IL1RAPL2: variants seen among roughly 807,000 people sequenced by gnomAD.
IL1RAPL2 encodes X-linked interleukin-1 receptor accessory protein-like 2.
Under a neutral mutation model 44.1 loss-of-function variants are expected in IL1RAPL2, and 3 were observed. That is an observed-to-expected ratio of 0.07 (90% confidence interval 0.03 to 0.18). IL1RAPL2 has a LOEUF of 0.18. Among genes scored for constraint, IL1RAPL2 ranks in the 10% least tolerant of loss-of-function variants. IL1RAPL2 has a pLI of 1.00. For missense variants in IL1RAPL2, 391 were observed against 496.4 expected (o/e 0.79, Z 2.02); for synonymous variants, 181 against 178.8 (o/e 1.01, Z -0.10).
chrX:104,784,749 T>C (rs1034951372), intron 2 of IL1RAPL2, among the ~76,000 whole-genome samples: 10 of 107,646 alleles, frequency 9.3e-5, no homozygotes, highest in Admixed American at 8.3e-4. Flanking sequence ...TGTGTCTTTT[T>C]ATATCTTCTT....
At chrX:105,093,232 C>A (rs1049285475) in intron 2 of IL1RAPL2, among the ~76,000 whole-genome samples, 2 of 110,708 alleles carry the variant, frequency 1.8e-5, no homozygotes, top group Non-Finnish European at 3.8e-5. Flanking sequence ...CACAAAGGGG[C>A]CTATTTTTTA....
intron 6 of IL1RAPL2, among the ~76,000 whole-genome samples, chrX:105,680,643 G>C (rs2037916618): frequency 8.9e-6 from 1 of 112,142 alleles, no homozygotes; most frequent in Admixed American, 9.4e-5. Flanking sequence ...TGTTCGATAA[G>C]AGTTTCTGAA....
chrX:105,069,468 T>G (rs1394123163), intron 2 of IL1RAPL2, among the ~76,000 whole-genome samples: 1 of 112,466 alleles, frequency 8.9e-6, no homozygotes, highest in East Asian at 2.8e-4. Context: ...TAACACAGTT[T>G]TAGTTTGATT....
chrX:105,750,278 CTT>C (rs11385087), intron 9 of IL1RAPL2, among the ~76,000 whole-genome samples: 2 of 84,571 alleles, frequency 2.4e-5, no homozygotes, highest in Admixed American at 1.5e-4. Context: ...TTTGTTTTGT[CTT>C]TTTTTTTTTT....
At chrX:104,869,977 A>G (rs942596192) in intron 2 of IL1RAPL2, among the ~76,000 whole-genome samples, 1 of 112,076 alleles carries the variant, frequency 8.9e-6, no homozygotes, top group Non-Finnish European at 1.9e-5. Context: ...AGATGGAATT[A>G]TTCCAAAAGA....
intron 5 of IL1RAPL2, among the ~76,000 whole-genome samples, chrX:105,471,371 G>A: frequency 9.0e-6 from 1 of 111,631 alleles, no homozygotes; most frequent in South Asian, 3.8e-4. Context: ...TCTAGATAGT[G>A]GGTGGCAGAT....
chrX:105,221,423 A>G (rs2033962722), intron 3 of IL1RAPL2, among the ~76,000 whole-genome samples: 1 of 111,248 alleles, frequency 9.0e-6, no homozygotes, highest in Non-Finnish European at 1.9e-5. Flanking sequence ...AAAAAAAAAA[A>G]AAAGAAAAAC....
chrX:104,912,195 G>A (rs1203365798), intron 2 of IL1RAPL2, among the ~76,000 whole-genome samples: 5 of 89,207 alleles, frequency 5.6e-5, no homozygotes, highest in Non-Finnish European at 9.7e-5. Context: ...TTGTTTTGCT[G>A]TATTTCTAAC....
chrX:105,066,970 C>A (rs1048569850), intron 2 of IL1RAPL2, among the ~76,000 whole-genome samples: 4 of 111,371 alleles, frequency 3.6e-5, no homozygotes, highest in African/African-American at 9.8e-5. Flanking sequence ...TTAAGCTGGG[C>A]AGATTGGTTG....
intron 5 of IL1RAPL2, among the ~76,000 whole-genome samples, chrX:105,322,372 AGGTACAGTGTAGCT>A (rs2034903279): frequency 8.9e-6 from 1 of 112,542 alleles, no homozygotes; most frequent in African/African-American, 3.2e-5. Flanking sequence ...TCAGAAGTGC[AGGTACAGTGTAGCT>A]GGTTTCTCTG....
intron 6 of IL1RAPL2, among the ~76,000 whole-genome samples, chrX:105,699,407 C>T (rs1045906978): frequency 1.5e-4 from 17 of 111,430 alleles, no homozygotes; most frequent in Admixed American, 1.2e-3. Flanking sequence ...AGGGATGTAG[C>T]GATGAACTTC....
At chrX:104,962,432 GA>G (rs1378216660) in intron 2 of IL1RAPL2, among the ~76,000 whole-genome samples, 6 of 109,819 alleles carry the variant, frequency 5.5e-5, no homozygotes, top group East Asian at 2.9e-4. Flanking sequence ...ACTGGCAAGA[GA>G]AAAAAAAATC....
At chrX:104,634,959 A>T (rs948181491) in intron 1 of IL1RAPL2, among the ~76,000 whole-genome samples, 14 of 111,461 alleles carry the variant, frequency 1.3e-4, no homozygotes, top group Non-Finnish European at 2.6e-4. Flanking sequence ...ACAATTTGGC[A>T]TGTTTTTGCA....
At chrX:105,225,769 C>T (rs184368657) in intron 3 of IL1RAPL2, among the ~76,000 whole-genome samples, 71 of 109,395 alleles carry the variant, frequency 6.5e-4, no homozygotes, top group African/African-American at 2.2e-3. Context: ...TCACTGCAAC[C>T]TCCGCCTCTC....
chrX:104,904,368 T>A (rs1036083979), intron 2 of IL1RAPL2, among the ~76,000 whole-genome samples: 2 of 108,164 alleles, frequency 1.8e-5, no homozygotes, highest in Admixed American at 2.0e-4. Context: ...TAGTTACATA[T>A]GTATACATGT....
intron 2 of IL1RAPL2, among the ~76,000 whole-genome samples, chrX:104,900,173 C>T (rs759348790): frequency 8.0e-5 from 9 of 111,852 alleles, no homozygotes; most frequent in East Asian, 2.8e-4. Context: ...CACTCTTTTA[C>T]GTACCACAAA....
At chrX:105,626,514 T>C (rs2037454211) in intron 6 of IL1RAPL2, among the ~76,000 whole-genome samples, 1 of 111,441 alleles carries the variant, frequency 9.0e-6, no homozygotes. Context: ...CTAAGTATGA[T>C]GAATGGAAGT....
chrX:104,656,400 A>T (rs1479744378), intron 1 of IL1RAPL2, among the ~76,000 whole-genome samples: 1 of 112,097 alleles, frequency 8.9e-6, no homozygotes, highest in East Asian at 2.8e-4. Flanking sequence ...GTTTCAAAGA[A>T]CATCTTTATT....
chrX:104,826,938 C>CTTTTTTTTTTTTTTTTTTTTT (rs1176113214), intron 2 of IL1RAPL2, among the ~76,000 whole-genome samples: 1 of 34,850 alleles, frequency 2.9e-5, no homozygotes, highest in African/African-American at 1.3e-4. Context: ...GCAACCCCTG[C>CTTTTTTTTTTTTTTTTTTTTT]TTTTTTTTTT....
Sources: allele counts gnomAD v4.1 joint callset (sites outside exome capture counted in the v4.1 genomes callset), GRCh38; gene constraint gnomAD v4.1.1; transcripts MANE v1.5; gene names NCBI Gene and HGNC (gene_info 2026-07-23, HGNC 2026-07-21).